The following DDX49 variants were observed in gnomAD, a reference collection of about 807,000 sequenced individuals.
DDX49 encodes DEAD-box helicase 49.
DDX49 carries 50 observed loss-of-function variants against 56.3 expected under a neutral mutation model. The observed-to-expected ratio is 0.89, with a 90% CI of 0.71 to 1.12. DDX49 has a LOEUF of 1.12. DDX49 is among the 50% of genes most tolerant of loss of function. The pLI, the probability that DDX49 is intolerant of heterozygous loss-of-function variation, is 0.00. For missense variants in DDX49, 614 were observed against 650.5 expected, an observed-to-expected ratio of 0.94 and a Z score of 0.61; for synonymous variants, 269 against 270.6, an observed-to-expected ratio of 0.99 and a Z score of 0.06.
At chr19:18,920,969 C>T (rs566728798) in intron 2 of DDX49, 7 of 228,822 alleles carry the variant, frequency 3.1e-5, no homozygotes, top group East Asian at 2.0e-4. Context: ...GGAGAAACCC[C>T]GTCTCTACTA....
At chr19:18,925,487 G>A (rs1303495329) in intron 9 of DDX49, among the ~76,000 whole-genome samples, 4 of 152,286 alleles carry the variant, frequency 2.6e-5, no homozygotes, top group South Asian at 2.1e-4. Flanking sequence ...CCCGGGAAGC[G>A]GAGGTTGCAA....
Position 18,921,759 on chromosome 19 carries a change from T to C in DDX49, c.325+11T>C, listed in dbSNP as rs752794657. On this transcript the variant is annotated intron_variant, in intron 3 of 12. Transcript: ENST00000247003. ...TCGTCGGTGGCATGGGTACGGGAGCTGGGAGGCGGGGGAAGCCCCAGCATG... is the reference window on the plus strand; with the variant it reads ...TCGTCGGTGGCATGGGTACGGGAGCCGGGAGGCGGGGGAAGCCCCAGCATG... 4 of 1,613,976 alleles carry C rather than the reference T, an allele frequency of 2.5e-6. No homozygotes were observed. Among genetic ancestry groups the C allele is most frequent in the Non-Finnish European group, 3.4e-6 (4 of 1,179,962 alleles).
Position 18,924,980 on chromosome 19 carries a change from G to A in DDX49, c.1027+1G>A. On this transcript the variant is annotated splice_donor_variant, in intron 9 of 12. Coordinates refer to ENST00000247003, the MANE Select transcript of DDX49 (RefSeq NM_019070.5). LOFTEE classifies it high-confidence loss of function. The stretch of plus-strand genomic sequence containing the variant: ...CGAGTCGGCCGGACGGCCCGTGCAG[G>A]TGAGCAGTGGAGGGGGAGGCCGAGC... The A allele has an allele frequency of 6.2e-7, 1 of 1,609,808 alleles. No homozygotes were observed. The highest frequency in any genetic ancestry group is 1.1e-5 in the South Asian group (1 of 91,066).
intron 9 of DDX49, among the ~76,000 whole-genome samples, chr19:18,925,536 C>A (rs895125248): frequency 3.3e-5 from 5 of 152,192 alleles, no homozygotes; most frequent in Non-Finnish European, 7.3e-5. Context: ...GCCTGAGCAA[C>A]AGTGTAAGAC....
At chr19:18,922,269 G>A in intron 4 of DDX49, 57 bp from the exon 5 acceptor site, 1 of 1,569,618 alleles carries the variant, frequency 6.4e-7, no homozygotes, top group East Asian at 2.3e-5. Flanking sequence ...CTTCAGGGGT[G>A]GCCAAGACCC....
At chr19:18,926,261 C>T in intron 9 of DDX49, 42 bp from the exon 10 acceptor site, 1 of 1,552,952 alleles carries the variant, frequency 6.4e-7, no homozygotes, top group Non-Finnish European at 8.7e-7. Context: ...GCCCCATGTC[C>T]TGACGCCCAG....
At chr19:18,922,770 C>T (rs1290107591) in intron 6 of DDX49, 26 bp downstream of exon 6, 3 of 1,603,630 alleles carry the variant, frequency 1.9e-6, no homozygotes, top group Non-Finnish European at 2.6e-6. Context: ...CTCTCCCCTC[C>T]CACCGCCCTT....
chr19:18,921,856 G>T lies in DDX49; in HGVS notation c.339G>T (p.Gln113His). ...TCTGTCCCCCAGACATGGTGGCCCA[G>T]GCGCTGGAGCTCTCTCGGAAACCAC... ...IIVGGMDMVA[Q>H]ALELSRKPHV... Residue 113 changes from glutamine (Q) to histidine (H), a missense_variant, in exon 4 of 13, where the codon CAG (glutamine) becomes CAT (histidine). Physicochemically the swap from Gln to His is conservative, Grantham distance 24 (BLOSUM62 0). Transcript: ENST00000247003. 1 of 1,614,028 alleles carries T rather than the reference G, an allele frequency of 6.2e-7. No homozygotes were observed. The highest frequency in any genetic ancestry group is 8.5e-7 in the Non-Finnish European group (1 of 1,180,008).
chr19:18,920,300 G>A (rs1601246160), intron 1 of DDX49, among the ~76,000 whole-genome samples: 1 of 152,290 alleles, frequency 6.6e-6, no homozygotes, highest in East Asian at 1.9e-4. Context: ...GAGGCCCACA[G>A]GAAGCCTAAG....
At chr19:18,924,535 G>A (rs2056945156) in intron 7 of DDX49, 88 bp from the exon 8 acceptor site, 6 of 1,431,512 alleles carry the variant, frequency 4.2e-6, no homozygotes, top group Non-Finnish European at 5.9e-6. Flanking sequence ...GACGGCTGGG[G>A]ACTGTCCCGG....
chr19:18,921,562 G>A (rs2056917245), intron 2 of DDX49, 101 bp from the exon 3 acceptor site: 1 of 1,160,054 alleles, frequency 8.6e-7, no homozygotes, highest in Non-Finnish European at 1.3e-6. Context: ...GGGCAAGTCA[G>A]GAGCCTGGGG....
chr19:18,922,400 G>A lies in DDX49; in HGVS notation c.522G>A (p.Ala174=), dbSNP rs773640875. ...CCGTGGACCTGGAGGCCATCCTGGC[G>A]GCTGTGCCGGCCCGCAGGCAGACAC... ...DFTVDLEAIL[A]AVPARRQTLL... The change falls in exon 5 of 13, where the codon GCG becomes GCA. Residue 174 remains alanine, a synonymous_variant. Coordinates refer to ENST00000247003, the MANE Select transcript of DDX49 (RefSeq NM_019070.5). 101 of 1,610,720 alleles carry A rather than the reference G, an allele frequency of 6.3e-5. No individual in the cohort carries two copies. Among genetic ancestry groups the A allele is most frequent in the Non-Finnish European group, 8.1e-5 (95 of 1,179,562 alleles).
intron 9 of DDX49, 37 bp downstream of exon 9, chr19:18,925,016 T>C: frequency 1.3e-6 from 2 of 1,597,726 alleles, no homozygotes; most frequent in African/African-American, 1.3e-5. Context: ...CTTGGGCCTC[T>C]GTCCCTCCAG....
chr19:18,922,178 C>A, intron 4 of DDX49, 148 bp from the exon 5 acceptor site: 1 of 1,205,956 alleles, frequency 8.3e-7, no homozygotes, highest in Non-Finnish European at 1.2e-6. Context: ...CTTGCTGAGA[C>A]TTGGGTGAGG....
At chr19:18,927,717 A>G (rs1422886999) in intron 10 of DDX49, 49 bp from the exon 11 acceptor site, 1 of 1,538,922 alleles carries the variant, frequency 6.5e-7, no homozygotes. Flanking sequence ...CTCCCTCTCC[A>G]TGTCACGTCT....
At chr19:18,922,010 C>A in intron 4 of DDX49, 46 bp downstream of exon 4, 1 of 1,566,634 alleles carries the variant, frequency 6.4e-7, no homozygotes, top group Non-Finnish European at 8.7e-7. Flanking sequence ...GGGCTCGGAG[C>A]CTCCAGGCCC....
intron 4 of DDX49, 49 bp from the exon 5 acceptor site, chr19:18,922,277 C>G (rs1403968273): frequency 1.3e-6 from 2 of 1,581,428 alleles, no homozygotes; most frequent in Non-Finnish European, 8.6e-7. Context: ...GTGGCCAAGA[C>G]CCGGGGCCAT....
intron 9 of DDX49, among the ~76,000 whole-genome samples, chr19:18,926,033 C>T (rs1205621128): frequency 1.3e-5 from 2 of 152,230 alleles, no homozygotes; most frequent in Non-Finnish European, 2.9e-5. Context: ...AGACTGGGTT[C>T]CCTGGCAGCC....
At chr19:18,920,907 C>T in intron 2 of DDX49, 1 of 392,256 alleles carries the variant, frequency 2.5e-6, no homozygotes, top group Non-Finnish European at 4.6e-6. Flanking sequence ...TTGGGAGCTC[C>T]AGGTGAGCGG....
Sources: gnomAD v4.1 joint callset for allele counts (sites outside exome capture counted in the v4.1 genomes callset) on GRCh38, gnomAD v4.1.1 for gene constraint, MANE v1.5 for transcripts, NCBI Gene and HGNC (gene_info 2026-07-23, HGNC 2026-07-21) for gene names.